The following RBFOX1 variants were observed in gnomAD, a reference collection of about 807,000 sequenced individuals.
The protein encoded by RBFOX1 is RNA binding protein fox-1 homolog 1.
A neutral mutation model predicts 57.7 loss-of-function variants in RBFOX1; 8 were observed. The observed-to-expected ratio is 0.14, with a 90% CI of 0.08 to 0.25. The LOEUF is 0.25. Among genes scored for constraint, RBFOX1 ranks in the 10% least tolerant of loss-of-function variants. RBFOX1 has a pLI of 1.00. For missense variants in RBFOX1, 611 were observed against 548.5 expected, an observed-to-expected ratio of 1.11 and a Z score of -1.14; for synonymous variants, 326 against 222.4, an observed-to-expected ratio of 1.47 and a Z score of -4.15.
intron 3 of RBFOX1, among the ~76,000 whole-genome samples, chr16:6,943,259 C>A (rs146136043): frequency 6.6e-6 from 1 of 152,146 alleles, no homozygotes; most frequent in African/African-American, 2.4e-5. Context: ...AATGACTGAT[C>A]AAGGTGCAAA....
chr16:5,659,423 C>T (rs1407158865), intron 3 of RBFOX1, among the ~76,000 whole-genome samples: 2 of 151,652 alleles, frequency 1.3e-5, no homozygotes, highest in Non-Finnish European at 2.9e-5. Context: ...CCTGCCTCGG[C>T]CTCCTGAGTA....
At chr16:7,293,838 A>G (rs1381438794) in intron 4 of RBFOX1, among the ~76,000 whole-genome samples, 1 of 152,070 alleles carries the variant, frequency 6.6e-6, no homozygotes, top group South Asian at 2.1e-4. Flanking sequence ...GAAGGTATGC[A>G]ATGATGCCAG....
intron 2 of RBFOX1, among the ~76,000 whole-genome samples, chr16:6,522,944 G>T (rs537891548): frequency 6.6e-6 from 1 of 152,162 alleles, no homozygotes; most frequent in African/African-American, 2.4e-5. Flanking sequence ...TCCTGGCTTT[G>T]GGATGTTGTC....
At chr16:6,963,356 A>G (rs1343578403) in intron 3 of RBFOX1, among the ~76,000 whole-genome samples, 2 of 152,104 alleles carry the variant, frequency 1.3e-5, no homozygotes, top group Non-Finnish European at 2.9e-5. Flanking sequence ...TGGGAATGAA[A>G]TCGAACCTCT....
intron 4 of RBFOX1, among the ~76,000 whole-genome samples, chr16:7,121,491 C>G (rs61306253): frequency 0.43 from 65,659 of 151,692 alleles, 14,421 homozygotes; most frequent in Admixed American, 0.49. Flanking sequence ...AAATGCAATA[C>G]TTAGCTATAA....
At chr16:5,571,852 G>T (rs1049726833) in intron 2 of RBFOX1, among the ~76,000 whole-genome samples, 1 of 152,164 alleles carries the variant, frequency 6.6e-6, no homozygotes, top group African/African-American at 2.4e-5. Context: ...CTTTATTTCT[G>T]CATTCATCCT....
At chr16:5,691,162 G>A (rs1306446584) in intron 3 of RBFOX1, among the ~76,000 whole-genome samples, 4 of 152,272 alleles carry the variant, frequency 2.6e-5, no homozygotes, top group Admixed American at 6.5e-5. Context: ...TGTTTTCTGA[G>A]CTCCTCAACA....
At chr16:5,465,457 C>T (rs564020451) in intron 1 of RBFOX1, among the ~76,000 whole-genome samples, 2 of 152,092 alleles carry the variant, frequency 1.3e-5, no homozygotes, top group African/African-American at 2.4e-5. Context: ...TTTTGTGGGG[C>T]GGGGTGCAGT....
At chr16:6,418,027 C>T (rs138214689) in intron 2 of RBFOX1, among the ~76,000 whole-genome samples, 2 of 152,266 alleles carry the variant, frequency 1.3e-5, no homozygotes, top group East Asian at 3.9e-4. Context: ...GAGACACAGG[C>T]CAAGCCTTCA....
chr16:7,568,111 G>A (rs1256769967), intron 5 of RBFOX1, among the ~76,000 whole-genome samples: 3 of 152,012 alleles, frequency 2.0e-5, no homozygotes, highest in East Asian at 1.9e-4. Context: ...AGGGTTCTAG[G>A]ATCTCACACA....
At chr16:6,892,002 A>G (rs2065549854) in intron 3 of RBFOX1, among the ~76,000 whole-genome samples, 2 of 152,154 alleles carry the variant, frequency 1.3e-5, no homozygotes, top group Non-Finnish European at 2.9e-5. Context: ...TGCACTGCAA[A>G]AAAGAATCTT....
intron 4 of RBFOX1, among the ~76,000 whole-genome samples, chr16:7,320,232 C>T (rs1307894505): frequency 6.6e-6 from 1 of 152,036 alleles, no homozygotes; most frequent in African/African-American, 2.4e-5. Flanking sequence ...CTCCCTTCCC[C>T]CACCACCCCC....
At chr16:7,244,655 T>G (rs1281608536) in intron 4 of RBFOX1, among the ~76,000 whole-genome samples, 1 of 152,220 alleles carries the variant, frequency 6.6e-6, no homozygotes. Context: ...TGCTTAAGCC[T>G]GTAAATGTAT....
At chr16:6,323,728 A>G (rs2082059812) in intron 2 of RBFOX1, among the ~76,000 whole-genome samples, 1 of 151,862 alleles carries the variant, frequency 6.6e-6, no homozygotes, top group Admixed American at 6.6e-5. Flanking sequence ...AGAGGTTGCA[A>G]GTACAGTTTC....
At chr16:7,460,625 A>C (rs2150518540) in intron 4 of RBFOX1, among the ~76,000 whole-genome samples, 1 of 151,434 alleles carries the variant, frequency 6.6e-6, no homozygotes, top group Admixed American at 6.6e-5. Flanking sequence ...TACTAGGCTT[A>C]ATATCTGAGT....
chr16:7,005,478 A>T (rs2093215740), intron 3 of RBFOX1, among the ~76,000 whole-genome samples: 1 of 152,192 alleles, frequency 6.6e-6, no homozygotes, highest in African/African-American at 2.4e-5. Context: ...AGGAATGGGG[A>T]GAAGGAACCC....
intron 2 of RBFOX1, among the ~76,000 whole-genome samples, chr16:6,576,670 G>C (rs1413837167): frequency 6.6e-6 from 1 of 152,074 alleles, no homozygotes; most frequent in Non-Finnish European, 1.5e-5. Context: ...GAGGGAGGTG[G>C]TGACTGAGGT....
chr16:5,954,978 C>T (rs2059594369), intron 4 of RBFOX1, among the ~76,000 whole-genome samples: 1 of 151,504 alleles, frequency 6.6e-6, no homozygotes, highest in African/African-American at 2.4e-5. Flanking sequence ...GAGGCAGCAG[C>T]CTAAGAAAGT....
intron 4 of RBFOX1, among the ~76,000 whole-genome samples, chr16:7,244,561 G>A (rs998167952): frequency 6.6e-6 from 1 of 152,182 alleles, no homozygotes; most frequent in Non-Finnish European, 1.5e-5. Context: ...CAGTTGCAAT[G>A]CTCCTAGAGA....
Sources: gnomAD v4.1 joint callset for allele counts (sites outside exome capture counted in the v4.1 genomes callset) on GRCh38, gnomAD v4.1.1 for gene constraint, MANE v1.5 for transcripts, NCBI Gene and HGNC (gene_info 2026-07-23, HGNC 2026-07-21) for gene names.